The following PTGS1 variants were observed in gnomAD, a reference collection of about 807,000 sequenced individuals.
The protein encoded by PTGS1 is prostaglandin-endoperoxide synthase 1.
A neutral mutation model predicts 63.0 loss-of-function variants in PTGS1; 40 were observed. The observed-to-expected ratio is 0.63, with a 90% CI of 0.49 to 0.83. The LOEUF is 0.83. Among genes scored for constraint, PTGS1 ranks in the 40% least tolerant of loss-of-function variants. The probability of loss-of-function intolerance (pLI) is 0.00; values close to 1 mark genes in which losing one functional copy is unlikely to be tolerated. For synonymous variants in PTGS1, 298 were observed against 301.9 expected, an observed-to-expected ratio of 0.99 and a Z score of 0.13; for missense variants, 709 against 786.5, an observed-to-expected ratio of 0.90 and a Z score of 1.18.
At chr9:122,375,079 T>C (rs1301003286) in intron 2 of PTGS1, among the ~76,000 whole-genome samples, 1 of 152,166 alleles carries the variant, frequency 6.6e-6, no homozygotes, top group Non-Finnish European at 1.5e-5. Context: ...GGCTGTAGTC[T>C]AGTGGCACCC....
At chr9:122,371,022 G>T, upstream of PTGS1, 1 of 1,546,268 alleles carries the variant, frequency 6.5e-7, no homozygotes, top group South Asian at 1.2e-5. Flanking sequence ...GGAGCTCCGG[G>T]CAGTGTGCGA....
At chr9:122,381,935 C>T (rs528683794) in intron 7 of PTGS1, among the ~76,000 whole-genome samples, 188 bp downstream of exon 7, 200 of 152,270 alleles carry the variant, frequency 1.3e-3, no homozygotes, top group Non-Finnish European at 2.4e-3. Context: ...GAGGAGCAGA[C>T]GTGGCCTCCC....
At chr9:122,380,285 G>A (rs1837428510) in intron 5 of PTGS1, among the ~76,000 whole-genome samples, 1 of 151,894 alleles carries the variant, frequency 6.6e-6, no homozygotes, top group Admixed American at 6.6e-5. Flanking sequence ...ATGACATGGT[G>A]AGACACCTTG....
At chr9:122,391,347 C>CTATATATATACATATATATATATACA (rs1838230151) in intron 10 of PTGS1, among the ~76,000 whole-genome samples, 2 of 109,562 alleles carry the variant, frequency 1.8e-5, no homozygotes, top group Non-Finnish European at 3.6e-5. Flanking sequence ...TATATATATA[C>CTATATATATACATATATATATATACA]TATATATATA....
intron 2 of PTGS1, among the ~76,000 whole-genome samples, chr9:122,375,757 C>T (rs764459407): frequency 2.6e-5 from 4 of 152,028 alleles, no homozygotes; most frequent in Non-Finnish European, 5.9e-5. Context: ...AGGCTAACAG[C>T]CTGGATGAAG....
chr9:122,383,572 C>T lies in PTGS1; in HGVS notation c.826C>T (p.Arg276Ter), dbSNP rs202218991. The change falls in exon 8 of 11, where the codon CGA (arginine) becomes TGA (stop). Residue 276 changes from arginine to a stop codon, truncating the protein, a stop_gained. Coordinates refer to ENST00000362012, the MANE Select transcript of PTGS1 (RefSeq NM_000962.4). LOFTEE classifies it high-confidence loss of function. ...EEAPVLMHYP[R>*]GIPPQSQMAV... Reference sequence around the variant, plus strand: ...GGCGCCTGTGTTGATGCACTACCCCCGAGGCATCCCGCCCCAGAGCCAGAT... The same window carrying T: ...GGCGCCTGTGTTGATGCACTACCCCTGAGGCATCCCGCCCCAGAGCCAGAT... The T allele has an allele frequency of 9.3e-6, 15 of 1,613,974 alleles. No homozygotes were observed. Among genetic ancestry groups the T allele is most frequent in the South Asian group, 2.2e-5 (2 of 91,072 alleles).
Position 122,383,575 on chromosome 9 carries a change from G to A in PTGS1, c.829G>A (p.Gly277Ser). The A allele has an allele frequency of 6.2e-7, 1 of 1,614,156 alleles. No homozygotes were observed. The highest frequency in any genetic ancestry group is 8.5e-7 in the Non-Finnish European group (1 of 1,180,024). ...GCCTGTGTTGATGCACTACCCCCGA[G>A]GCATCCCGCCCCAGAGCCAGATGGC... Reference protein sequence around the residue: ...EAPVLMHYPRGIPPQSQMAVG... With the variant: ...EAPVLMHYPRSIPPQSQMAVG... The change falls in exon 8 of 11, where the codon GGC (glycine) becomes AGC (serine). Residue 277 changes from glycine (G) to serine (S), a missense_variant. By Grantham distance (56) the Gly-to-Ser change is moderately conservative (BLOSUM62 0). Coordinates refer to ENST00000362012, the MANE Select transcript of PTGS1 (RefSeq NM_000962.4).
At chr9:122,386,327 G>GCAACAA (rs920382750) in intron 8 of PTGS1, 119 bp from the exon 9 acceptor site, 1 of 1,108,828 alleles carries the variant, frequency 9.0e-7, no homozygotes, top group African/African-American at 1.6e-5. Flanking sequence ...AACATCAACA[G>GCAACAA]CAACAACAAC....
chr9:122,391,886 G>A (rs1431350339), intron 10 of PTGS1, among the ~76,000 whole-genome samples: 1 of 152,048 alleles, frequency 6.6e-6, no homozygotes, highest in Admixed American at 6.5e-5. Flanking sequence ...AGGTAATTAG[G>A]GCCCAGAGTT....
At chr9:122,378,939 G>A in intron 5 of PTGS1, 21 bp downstream of exon 5, 1 of 1,613,526 alleles carries the variant, frequency 6.2e-7, no homozygotes, top group Non-Finnish European at 8.5e-7. Flanking sequence ...GTGAGGAGCT[G>A]GGCCTGGGGA....
chr9:122,383,369 T>G (rs1240046927), intron 7 of PTGS1, 140 bp from the exon 8 acceptor site: 101 of 1,177,496 alleles, frequency 8.6e-5, no homozygotes, highest in Non-Finnish European at 1.2e-4. Context: ...GGGGACTGAT[T>G]TTAAGAGACA....
At position 122,394,637 on chromosome 9, in the gene PTGS1, C is replaced by T. The variant is rs1460320203; in HGVS notation, c.*2093C>T. 6.6e-6 allele frequency: 1 copy of T among 152,162 alleles called. No individual in the cohort carries two copies. The highest frequency in any genetic ancestry group is 1.9e-4 in the East Asian group (1 of 5,182). 9.4% of individuals were successfully genotyped at this position (152,162 alleles called of 1,614,324 possible). On this transcript the variant is annotated 3_prime_UTR_variant, in exon 11 of 11. Coordinates refer to ENST00000362012, the MANE Select transcript of PTGS1 (RefSeq NM_000962.4). ...TTAATTTCAGTCTTGGTGGTTCTAT[C>T]AGGGGTGCATTCTGGCCAAGGGGTG...
intron 2 of PTGS1, among the ~76,000 whole-genome samples, chr9:122,374,227 CAA>C (rs945938498): frequency 7.2e-5 from 11 of 152,052 alleles, no homozygotes; most frequent in African/African-American, 2.4e-4. Context: ...TCAGTGAGAG[CAA>C]ATGGGAAGGT....
intron 7 of PTGS1, among the ~76,000 whole-genome samples, chr9:122,383,182 T>G (rs1331856551): frequency 3.6e-5 from 3 of 82,830 alleles, no homozygotes; most frequent in Admixed American, 2.4e-4. Context: ...GATTTGTTGT[T>G]TTTTTTTTTT....
intron 2 of PTGS1, chr9:122,371,665 C>T: frequency 6.9e-7 from 1 of 1,443,386 alleles, no homozygotes; most frequent in Non-Finnish European, 9.1e-7. Context: ...TTCCCTTTCT[C>T]CAGCCTCTAA....
rs1461068137 is a variant in PTGS1 at position 122,371,198 on chromosome 9, T to C, written c.20T>C (p.Leu7Pro). MSRSLL[L>P]WFLLFLLLLP... ...CTCTCCTCTGCAGGGAGTCTCTTGC[T>C]CTGGTTCTTGCTGTTCCTGCTCCTG... Residue 7 changes from leucine (L) to proline (P), a missense_variant, in exon 2 of 11, where the codon CTC becomes CCC. Physicochemically the swap from Leu to Pro is moderately conservative, Grantham distance 98. Coordinates refer to ENST00000362012, the MANE Select transcript of PTGS1 (RefSeq NM_000962.4). 6.2e-7 allele frequency: 1 copy of C among 1,609,336 alleles called. No individual in the cohort carries two copies. The highest frequency in any genetic ancestry group is 1.1e-5 in the South Asian group (1 of 91,086).
At position 122,381,680 on chromosome 9, in the gene PTGS1, T is replaced by C; in HGVS notation, c.695T>C (p.Ile232Thr). 6.2e-6 allele frequency: 10 copies of C among 1,614,118 alleles called. No individual in the cohort carries two copies. Among genetic ancestry groups the C allele is most frequent in the Non-Finnish European group, 8.5e-6 (10 of 1,179,998 alleles). ...ALGHGVDLGH[I>T]YGDNLERQYQ... ...TGTCCACAGGTAGACCTCGGCCACATTTATGGAGACAATCTGGAGCGTCAG... is the reference window on the plus strand; with the variant it reads ...TGTCCACAGGTAGACCTCGGCCACACTTATGGAGACAATCTGGAGCGTCAG... The change falls in exon 7 of 11, where the codon ATT becomes ACT. Residue 232 changes from isoleucine to threonine, a missense_variant. Ile to Thr is a moderately conservative substitution (Grantham distance 89). Transcript: ENST00000362012.
At chr9:122,379,244 G>A (rs539647619) in intron 5 of PTGS1, among the ~76,000 whole-genome samples, 3 of 152,120 alleles carry the variant, frequency 2.0e-5, no homozygotes, top group African/African-American at 7.2e-5. Flanking sequence ...TATTTATTGG[G>A]TGCTGTCTCT....
At chr9:122,383,390 G>A (rs1837655066) in intron 7 of PTGS1, 119 bp from the exon 8 acceptor site, 1 of 1,365,328 alleles carries the variant, frequency 7.3e-7, no homozygotes, top group Non-Finnish European at 9.9e-7. Flanking sequence ...TTTTGGAGGT[G>A]GAATCAACAG....
Sources: allele counts gnomAD v4.1 joint callset (sites outside exome capture counted in the v4.1 genomes callset), GRCh38; gene constraint gnomAD v4.1.1; transcripts MANE v1.5; gene names NCBI Gene and HGNC (gene_info 2026-07-23, HGNC 2026-07-21).